Variants in UBR2 observed in about 807,000 individuals in gnomAD.
UBR2 encodes the protein ubiquitin protein ligase E3 component n-recognin 2.
In UBR2, 92 loss-of-function variants were observed where a neutral mutation model predicts 247.9. That is an observed-to-expected ratio of 0.37 (90% CI 0.31 to 0.44). UBR2 has a LOEUF of 0.44. Among genes scored for constraint, UBR2 ranks in the 20% least tolerant of loss-of-function variants. UBR2 has a pLI of 1.00. For missense variants in UBR2, 1,613 were observed against 2,112.6 expected (o/e 0.76, Z 4.64); for synonymous variants, 672 against 693.5 (o/e 0.97, Z 0.49).
chr6:42,651,904 G>A (rs969745268), intron 23 of UBR2, 119 bp from the exon 24 acceptor site: 1 of 940,008 alleles, frequency 1.1e-6, no homozygotes, highest in Non-Finnish European at 1.6e-6. Context: ...AAGGTCAGGA[G>A]TTCAAGACCA....
chr6:42,592,307 A>G (rs112511822), intron 3 of UBR2, 78 bp downstream of exon 3: 1 of 1,154,142 alleles, frequency 8.7e-7, no homozygotes, highest in Non-Finnish European at 1.2e-6. Context: ...TCAAAATGCA[A>G]AGATTTAACA....
chr6:42,595,807 CA>C lies in UBR2; in HGVS notation c.531+1506del, dbSNP rs554772773. ...CAGAATGACCAAAGCTTTTGATGTA[CA>C]AATCAAAATTTATACAAAATGATTC... On this transcript the variant is annotated intron_variant, in intron 4 of 46. Transcript: ENST00000372901. 5.1e-4 allele frequency among the ~76,000 whole-genome samples: 77 copies of C among 150,840 alleles called. 2 individuals are homozygous for C. In the East Asian group the frequency reaches 8.4e-3, roughly 16 times the overall value.
At chr6:42,601,352 C>T (rs987906997) in intron 4 of UBR2, among the ~76,000 whole-genome samples, 5 of 152,100 alleles carry the variant, frequency 3.3e-5, no homozygotes, top group Non-Finnish European at 7.4e-5. Flanking sequence ...ATTTCTAAAG[C>T]CTCCATAACA....
rs1792711995 is a variant in UBR2 at position 42,592,238 on chromosome 6, T to C, written c.417+9T>C. On this transcript the variant is annotated intron_variant, in intron 3 of 46. Transcript: ENST00000372901. ...GAGATCATCGATATAGGGTTAGTAA[T>C]GTCCAAATAATAACCATGCGCAGTA... 2.6e-6 allele frequency: 4 copies of C among 1,545,928 alleles called. No homozygotes were observed. In the South Asian group the frequency reaches 5.0e-5, roughly 19 times the overall value.
chr6:42,633,016 G>A, intron 13 of UBR2, 112 bp downstream of exon 13: 1 of 657,656 alleles, frequency 1.5e-6, no homozygotes, highest in Non-Finnish European at 2.3e-6. Context: ...GTCTCACTGT[G>A]TTGCCCAGGG....
intron 39 of UBR2, 50 bp downstream of exon 39, chr6:42,676,241 T>G (rs1260966619): frequency 1.3e-6 from 2 of 1,506,018 alleles, no homozygotes; most frequent in African/African-American, 2.8e-5. Flanking sequence ...TTGAGTTTTC[T>G]GAGTTTTAAA....
At chr6:42,629,983 G>A (rs1209596400) in intron 11 of UBR2, among the ~76,000 whole-genome samples, 5 of 151,834 alleles carry the variant, frequency 3.3e-5, no homozygotes, top group Admixed American at 6.6e-5. Flanking sequence ...GGCTGGCCTC[G>A]AAATCCTGAG....
intron 38 of UBR2, among the ~76,000 whole-genome samples, chr6:42,674,575 AC>A: frequency 6.6e-6 from 1 of 152,278 alleles, no homozygotes. Flanking sequence ...AGCCTTGCCA[AC>A]ATGGTGAAAC....
chr6:42,578,420 G>A (rs933671581), intron 2 of UBR2, among the ~76,000 whole-genome samples: 7 of 152,086 alleles, frequency 4.6e-5, no homozygotes, highest in East Asian at 1.9e-4. Context: ...AGAATAGGTC[G>A]GGAAAGTGTA....
At position 42,639,391 on chromosome 6, in the gene UBR2, G is replaced by A. The variant is rs555397804; in HGVS notation, c.1859-818G>A. On this transcript the variant is annotated intron_variant, in intron 15 of 46. Transcript: ENST00000372901. ...GCAGATCACCTGAGGTCAGGAGTTC[G>A]AGACCAGCCTGGCCAACATGGCAAA... Among the ~76,000 whole-genome samples, 230 of 152,250 alleles carry A rather than the reference G, an allele frequency of 1.5e-3. 2 individuals are homozygous for A. The highest frequency in any genetic ancestry group is 4.7e-3 in the African/African-American group (194 of 41,546).
rs565043108 is a variant in UBR2, at chr6:42,687,239, TC to T, written c.4854-976del. Among the ~76,000 whole-genome samples the T allele has an allele frequency of 2.9e-4, 44 of 152,300 alleles. 1 individual carries two copies. In the South Asian group the frequency reaches 9.1e-3, roughly 32 times the overall value. On this transcript the variant is annotated intron_variant, in intron 44 of 46. Transcript: ENST00000372901. Reference sequence around the variant, plus strand: ...AGACTCCCTCTGCAATCCTGGCACCTCGGGAGGCCGAGGCTGGCAGATCACT... The same window carrying T: ...AGACTCCCTCTGCAATCCTGGCACCTGGGAGGCCGAGGCTGGCAGATCACT...
chr6:42,671,430 A>T (rs1798434097), intron 36 of UBR2, among the ~76,000 whole-genome samples: 1 of 151,494 alleles, frequency 6.6e-6, no homozygotes, highest in African/African-American at 2.4e-5. Context: ...AAAAAGAAGA[A>T]GAAGAAGCAG....
intron 4 of UBR2, among the ~76,000 whole-genome samples, chr6:42,599,336 G>GTGGA (rs1489165978): frequency 6.6e-6 from 1 of 152,120 alleles, no homozygotes; most frequent in African/African-American, 2.4e-5. Context: ...TTAGGCTGAG[G>GTGGA]TGGAGGATCA....
rs114740319 is a variant in UBR2 at position 42,621,078 on chromosome 6, C to T, written c.1281+3571C>T. On this transcript the variant is annotated intron_variant, in intron 11 of 46. Transcript: ENST00000372901. ...CCTCAGGTGATCCACCGCACCCGGC[C>T]GTACTTTTTGTATATTGTTTAAACA... 6.3e-3 allele frequency among the ~76,000 whole-genome samples: 961 copies of T among 152,162 alleles called. 10 individuals are homozygous for T. Among genetic ancestry groups the T allele is most frequent in the African/African-American group, 0.022 (928 of 41,510 alleles).
At chr6:42,578,897 A>G (rs1375975709) in intron 2 of UBR2, among the ~76,000 whole-genome samples, 1 of 151,986 alleles carries the variant, frequency 6.6e-6, no homozygotes, top group African/African-American at 2.4e-5. Context: ...CAGGAGAGGG[A>G]GGTTGCGGTG....
At chr6:42,639,692 A>G (rs1371234029) in intron 15 of UBR2, among the ~76,000 whole-genome samples, 3 of 152,206 alleles carry the variant, frequency 2.0e-5, no homozygotes, top group Non-Finnish European at 4.4e-5. Flanking sequence ...TCTCACTGCT[A>G]TACTTTAAAT....
chr6:42,617,813 G>A (rs1794658709), intron 11 of UBR2, among the ~76,000 whole-genome samples: 1 of 152,140 alleles, frequency 6.6e-6, no homozygotes, highest in Non-Finnish European at 1.5e-5. Context: ...TAAGCCGATT[G>A]ATTTCACAAA....
intron 11 of UBR2, among the ~76,000 whole-genome samples, chr6:42,630,949 G>A (rs980168138): frequency 6.6e-6 from 1 of 152,126 alleles, no homozygotes; most frequent in Non-Finnish European, 1.5e-5. Flanking sequence ...TGGGAATACA[G>A]GTACATGCCA....
At position 42,618,474 on chromosome 6, in the gene UBR2, T is replaced by G. The variant is rs113561231; in HGVS notation, c.1281+967T>G. Among the ~76,000 whole-genome samples the G allele has an allele frequency of 3.2e-4, 49 of 152,336 alleles. 1 individual carries two copies. Among genetic ancestry groups the G allele is most frequent in the African/African-American group, 1.1e-3 (47 of 41,592 alleles). ...AACTGAATTTTTCACCATATTACTT[T>G]TATGTTAAAGGATATATTCTAATAC... On this transcript the variant is annotated intron_variant, in intron 11 of 46. Transcript: ENST00000372901.
Sources: gnomAD v4.1 joint callset for allele counts (sites outside exome capture counted in the v4.1 genomes callset) on GRCh38, gnomAD v4.1.1 for gene constraint, MANE v1.5 for transcripts, NCBI Gene and HGNC (gene_info 2026-07-23, HGNC 2026-07-21) for gene names.